Variants in GRIK2 observed in about 807,000 individuals in gnomAD.
The protein encoded by GRIK2 is glutamate receptor ionotropic, kainate 2.
In GRIK2, 32 loss-of-function variants were observed where a neutral mutation model predicts 100.3. That is an observed-to-expected ratio of 0.32 (90% CI 0.24 to 0.43). GRIK2 has a LOEUF of 0.43. Among genes scored for constraint, GRIK2 ranks in the 20% least tolerant of loss-of-function variants. The pLI is 1.00. For synonymous variants in GRIK2, 417 were observed against 389.4 expected, an observed-to-expected ratio of 1.07 and a Z score of -0.83; for missense variants, 843 against 1,114.9, an observed-to-expected ratio of 0.76 and a Z score of 3.47.
intron 2 of GRIK2, among the ~76,000 whole-genome samples, chr6:101,466,610 C>G (rs1771660462): frequency 6.7e-6 from 1 of 149,232 alleles, no homozygotes; most frequent in South Asian, 2.1e-4. Flanking sequence ...AAAAAAAAAG[C>G]TTTTTCTGTG....
intron 2 of GRIK2, among the ~76,000 whole-genome samples, chr6:101,403,220 A>C (rs1193973390): frequency 3.3e-5 from 5 of 152,254 alleles, no homozygotes; most frequent in Non-Finnish European, 5.9e-5. Context: ...TTAGAGCTCC[A>C]GTAGCAAAGA....
At position 101,723,817 on chromosome 6, in the gene GRIK2, CTCTT is replaced by C. The variant is rs1306706664; in HGVS notation, c.951+37468_951+37471del. ...CAGCTAGTGGAGAATTTAGATTTCTCTCTTTCTAACTGATTGTCATGTCTTATGG... is the reference window on the plus strand; with the variant it reads ...CAGCTAGTGGAGAATTTAGATTTCTCTCTAACTGATTGTCATGTCTTATGG... On this transcript the variant is annotated intron_variant, in intron 7 of 16. Coordinates refer to ENST00000369134, the MANE Select transcript of GRIK2 (RefSeq NM_021956.5). Among the ~76,000 whole-genome samples the C allele has an allele frequency of 6.6e-5, 10 of 152,126 alleles. No homozygotes were observed. In the East Asian group the frequency reaches 1.2e-3, roughly 18 times the overall value.
chr6:101,804,784 T>C (rs1780883919), intron 9 of GRIK2, among the ~76,000 whole-genome samples: 1 of 151,896 alleles, frequency 6.6e-6, no homozygotes. Flanking sequence ...GTTTTCAATA[T>C]CCTTGAAAAT....
At chr6:101,524,431 G>T (rs986954594) in intron 2 of GRIK2, among the ~76,000 whole-genome samples, 11 of 151,558 alleles carry the variant, frequency 7.3e-5, no homozygotes, top group African/African-American at 2.7e-4. Context: ...AATTTCTAAG[G>T]GAGTTGGTGT....
At chr6:101,947,088 G>C (rs538173875) in intron 14 of GRIK2, among the ~76,000 whole-genome samples, 1 of 152,252 alleles carries the variant, frequency 6.6e-6, no homozygotes, top group Admixed American at 6.5e-5. Flanking sequence ...ATTTTTCAAA[G>C]GTGTGCTCTG....
chr6:102,011,004 T>C (rs1390967644), intron 14 of GRIK2, among the ~76,000 whole-genome samples: 7 of 152,150 alleles, frequency 4.6e-5, no homozygotes. Context: ...CATTCATGAA[T>C]AGGATTTTGA....
chr6:101,916,061 C>G (rs1789084564), intron 12 of GRIK2, among the ~76,000 whole-genome samples: 1 of 151,204 alleles, frequency 6.6e-6, no homozygotes, highest in Non-Finnish European at 1.5e-5. Context: ...AATTCAAATT[C>G]AGGTGGCAAT....
chr6:101,557,715 T>C (rs1776813597), intron 2 of GRIK2, among the ~76,000 whole-genome samples: 1 of 152,112 alleles, frequency 6.6e-6, no homozygotes, highest in African/African-American at 2.4e-5. Flanking sequence ...TGACAGAAAA[T>C]TTCTACTGAG....
intron 14 of GRIK2, among the ~76,000 whole-genome samples, chr6:102,010,691 T>A (rs1189928964): frequency 6.6e-6 from 1 of 151,640 alleles, no homozygotes; most frequent in Non-Finnish European, 1.5e-5. Context: ...CCCCCTCCCT[T>A]CTTCTTAACC....
chr6:101,395,069 T>C (rs987638082), intron 1 of GRIK2, among the ~76,000 whole-genome samples: 1 of 152,240 alleles, frequency 6.6e-6, no homozygotes, highest in Non-Finnish European at 1.5e-5. Flanking sequence ...TGCAGCAGAA[T>C]GTTGCTGGAA....
At chr6:101,791,452 C>A (rs1779849797) in intron 7 of GRIK2, among the ~76,000 whole-genome samples, 1 of 152,156 alleles carries the variant, frequency 6.6e-6, no homozygotes, top group African/African-American at 2.4e-5. Context: ...TTTCTGCCTT[C>A]ATTTCGTTAT....
At chr6:101,985,647 G>C (rs1178786981) in intron 14 of GRIK2, among the ~76,000 whole-genome samples, 4 of 151,706 alleles carry the variant, frequency 2.6e-5, no homozygotes, top group Non-Finnish European at 1.5e-5. Flanking sequence ...TTAGCCCTTA[G>C]TAATAGAGGT....
intron 7 of GRIK2, among the ~76,000 whole-genome samples, chr6:101,742,911 T>G (rs1776136389): frequency 6.6e-6 from 1 of 152,176 alleles, no homozygotes; most frequent in Non-Finnish European, 1.5e-5. Context: ...TCAGGTTAAA[T>G]TTTAAGAGCC....
intron 12 of GRIK2, among the ~76,000 whole-genome samples, chr6:101,911,212 C>T (rs1169743826): frequency 6.6e-6 from 1 of 151,292 alleles, no homozygotes; most frequent in Non-Finnish European, 1.5e-5. Context: ...ATAATGAATG[C>T]CAATCAGGAA....
intron 14 of GRIK2, among the ~76,000 whole-genome samples, chr6:101,964,171 C>A: frequency 6.7e-6 from 1 of 150,226 alleles, no homozygotes. Flanking sequence ...ATAATATATA[C>A]ATACTATATC....
chr6:101,714,849 GCAAA>G lies in GRIK2; in HGVS notation c.951+28501_951+28504del, dbSNP rs561665397. On this transcript the variant is annotated intron_variant, in intron 7 of 16. Transcript: ENST00000369134. ...AATTAATTTTTTTAAAGTCTATAAT[GCAAA>G]CAAATTATTATGATATTGAATACAC... Among the ~76,000 whole-genome samples the G allele has an allele frequency of 1.4e-3, 208 of 151,698 alleles. 2 individuals carry two copies. Among genetic ancestry groups the G allele is most frequent in the African/African-American group, 4.0e-3 (167 of 41,442 alleles).
At chr6:101,485,551 ATGTT>A (rs1772774562) in intron 2 of GRIK2, among the ~76,000 whole-genome samples, 1 of 152,136 alleles carries the variant, frequency 6.6e-6, no homozygotes, top group South Asian at 2.1e-4. Flanking sequence ...ATAAGCTTGT[ATGTT>A]AGTCATTTGT....
intron 4 of GRIK2, among the ~76,000 whole-genome samples, chr6:101,668,116 A>G (rs1376672372): frequency 6.6e-6 from 1 of 152,202 alleles, no homozygotes; most frequent in Non-Finnish European, 1.5e-5. Context: ...AGTATGTCCC[A>G]AGGAGACTAG....
At chr6:101,422,523 A>T (rs1562125987) in intron 2 of GRIK2, among the ~76,000 whole-genome samples, 1 of 152,094 alleles carries the variant, frequency 6.6e-6, no homozygotes, top group Non-Finnish European at 1.5e-5. Context: ...CCCAATGTTT[A>T]ACAGCTTTGT....
Sources: gnomAD v4.1 joint callset for allele counts (sites outside exome capture counted in the v4.1 genomes callset) on GRCh38, gnomAD v4.1.1 for gene constraint, MANE v1.5 for transcripts, NCBI Gene and HGNC (gene_info 2026-07-23, HGNC 2026-07-21) for gene names.